XYLT1: variants seen among roughly 807,000 people sequenced by gnomAD.
XYLT1 encodes xylosyltransferase 1.
A neutral mutation model predicts 91.3 loss-of-function variants in XYLT1; 36 were observed. The ratio of observed to expected loss-of-function variants is 0.39; its 90% CI spans 0.30 to 0.52. The LOEUF is 0.52. Among genes scored for constraint, XYLT1 ranks in the 20% least tolerant of loss-of-function variants. The probability of loss-of-function intolerance (pLI) is 0.68; values close to 1 mark genes in which losing one functional copy is unlikely to be tolerated. For synonymous variants in XYLT1, 588 were observed against 532.0 expected (o/e 1.11, Z -1.45); for missense variants, 1,242 against 1,284.5 (o/e 0.97, Z 0.51).
intron 2 of XYLT1, among the ~76,000 whole-genome samples, chr16:17,307,305 G>C (rs1454198708): frequency 6.6e-6 from 1 of 152,158 alleles, no homozygotes; most frequent in Non-Finnish European, 1.5e-5. Context: ...TCGAACTCCT[G>C]ACCTCGTGAT....
At chr16:17,345,785 T>C (rs2035135606) in intron 2 of XYLT1, among the ~76,000 whole-genome samples, 1 of 148,562 alleles carries the variant, frequency 6.7e-6, no homozygotes. Flanking sequence ...AGGAGGTGGC[T>C]ACTGCTGTTA....
intron 5 of XYLT1, among the ~76,000 whole-genome samples, chr16:17,196,396 C>A (rs2032426780): frequency 6.6e-6 from 1 of 152,162 alleles, no homozygotes; most frequent in Non-Finnish European, 1.5e-5. Context: ...GAGATCTTAT[C>A]TTTTCTAGAT....
At chr16:17,284,515 C>G (rs1429718530) in intron 2 of XYLT1, among the ~76,000 whole-genome samples, 2 of 152,284 alleles carry the variant, frequency 1.3e-5, no homozygotes, top group African/African-American at 4.8e-5. Context: ...CAGATGGGGT[C>G]AGGTAGGAAC....
chr16:17,324,862 T>C (rs1244193122), intron 2 of XYLT1, among the ~76,000 whole-genome samples: 2 of 152,102 alleles, frequency 1.3e-5, no homozygotes, highest in Non-Finnish European at 2.9e-5. Context: ...ATCTTTCTTC[T>C]CTTTTTTTCA....
intron 2 of XYLT1, among the ~76,000 whole-genome samples, chr16:17,276,020 A>C (rs1418859515): frequency 1.3e-5 from 2 of 152,336 alleles, no homozygotes; most frequent in East Asian, 3.9e-4. Context: ...AAACCCAGTT[A>C]ATTTCTATCA....
intron 6 of XYLT1, among the ~76,000 whole-genome samples, chr16:17,147,554 T>A (rs2031167651): frequency 6.6e-6 from 1 of 152,248 alleles, no homozygotes. Flanking sequence ...TTGCTGTATT[T>A]ATCACATTCA....
rs147921419 is a variant in XYLT1, at chr16:17,302,634, G to A, written c.403-43136C>T. On this transcript the variant is annotated intron_variant, in intron 2 of 11. Transcript: ENST00000261381. ...TGTTAATACCTATTCCAGCTCCAAG[G>A]TATGATGGTCCTATGGTTGTGTTTC... Among the ~76,000 whole-genome samples the A allele has an allele frequency of 2.3e-4, 35 of 152,308 alleles. No individual in the cohort carries two copies. The East Asian group carries it at 6.6e-3, about 29-fold the overall frequency.
chr16:17,358,101 T>G, intron 1 of XYLT1, 51 bp from the exon 2 acceptor site: 13 of 1,540,436 alleles, frequency 8.4e-6, no homozygotes, highest in Non-Finnish European at 1.2e-5. Flanking sequence ...AAAGTTAACT[T>G]ACTACCCCAG....
chr16:17,150,755 A>G (rs2031262301), intron 6 of XYLT1, among the ~76,000 whole-genome samples: 1 of 152,216 alleles, frequency 6.6e-6, no homozygotes, highest in South Asian at 2.1e-4. Context: ...AAACACAAAT[A>G]TAAAATTACA....
rs772956681 is a variant in XYLT1, at chr16:17,259,232, G to C, written c.669C>G (p.Ala223=). Residue 223 remains alanine, a synonymous_variant, in exon 3 of 12, where the codon GCC becomes GCG. Coordinates refer to ENST00000261381, the MANE Select transcript of XYLT1 (RefSeq NM_022166.4). ...PGEVLPPGDR[A]AANSSHGKDV... is the part of the protein sequence containing the mutation. Reference sequence around the variant, plus strand: ...CCTTCCCGTGGCTGCTGTTGGCTGCGGCTCTGTCCCCGGGAGGCAGCACCT... The same window carrying C: ...CCTTCCCGTGGCTGCTGTTGGCTGCCGCTCTGTCCCCGGGAGGCAGCACCT... The C allele has an allele frequency of 6.2e-7, 1 of 1,613,998 alleles. No individual in the cohort carries two copies.
At chr16:17,315,303 C>T (rs2034611240) in intron 2 of XYLT1, among the ~76,000 whole-genome samples, 1 of 152,238 alleles carries the variant, frequency 6.6e-6, no homozygotes. Flanking sequence ...CTTGTGGATG[C>T]TCTTTGTCAC....
Position 17,117,631 on chromosome 16 carries a change from A to C in XYLT1, c.2557+15T>G. ...GAAGGAGTATTTCTCCCACATAGACACTGGGAGTACTTACCAGGTTTGATG... is the reference window on the plus strand; with the variant it reads ...GAAGGAGTATTTCTCCCACATAGACCCTGGGAGTACTTACCAGGTTTGATG... On this transcript the variant is annotated intron_variant, in intron 11 of 11. Transcript: ENST00000261381. 2 of 1,603,512 alleles carry C rather than the reference A, an allele frequency of 1.2e-6. No individual in the cohort carries two copies. The highest frequency in any genetic ancestry group is 1.7e-6 in the Non-Finnish European group (2 of 1,172,480).
intron 3 of XYLT1, among the ~76,000 whole-genome samples, chr16:17,215,900 A>G (rs1015768467): frequency 5.9e-5 from 9 of 152,108 alleles, no homozygotes; most frequent in Admixed American, 3.3e-4. Context: ...AAGGACTGCA[A>G]TTGAAGAGAG....
chr16:17,465,109 C>A (rs9796795), intron 1 of XYLT1, among the ~76,000 whole-genome samples: 98,757 of 141,056 alleles, frequency 0.7, 35,031 homozygotes, highest in East Asian at 0.96. Flanking sequence ...ACGCCACTGC[C>A]CTCCAGCCTG....
chr16:17,358,735 T>C (rs1467154919), intron 1 of XYLT1, among the ~76,000 whole-genome samples: 6 of 152,072 alleles, frequency 3.9e-5, no homozygotes. Flanking sequence ...TTTGGCTCCG[T>C]AAGAGGATTA....
intron 1 of XYLT1, 71 bp downstream of exon 1, chr16:17,470,363 T>C: frequency 8.3e-7 from 1 of 1,205,112 alleles, no homozygotes; most frequent in Non-Finnish European, 1.0e-6. Flanking sequence ...GTTCAAGGGC[T>C]AGGGGGGCGT....
Position 17,117,797 on chromosome 16 carries a change from A to G in XYLT1, c.2406T>C (p.Thr802=). 6.2e-7 allele frequency: 1 copy of G among 1,614,200 alleles called. No individual in the cohort carries two copies. Among genetic ancestry groups the G allele is most frequent in the Non-Finnish European group, 8.5e-7 (1 of 1,180,042 alleles). Residue 802 remains threonine (T), a synonymous_variant, in exon 11 of 12, where the codon ACT becomes ACC. Coordinates refer to ENST00000261381, the MANE Select transcript of XYLT1 (RefSeq NM_022166.4). ...AATYDILIES[T]AEFTHYKPPL... is the part of the protein sequence containing the mutation. ...GGGGCTTGTAGTGTGTGAATTCGGCAGTGGACTCAATGAGGATGTCGTAGG... is the reference window on the plus strand; with the variant it reads ...GGGGCTTGTAGTGTGTGAATTCGGCGGTGGACTCAATGAGGATGTCGTAGG...
intron 11 of XYLT1, among the ~76,000 whole-genome samples, chr16:17,112,183 C>A (rs371094553): frequency 6.6e-6 from 1 of 152,128 alleles, no homozygotes; most frequent in East Asian, 1.9e-4. Flanking sequence ...TATTAGCTTG[C>A]GATGCTCGTC....
At chr16:17,446,798 C>T (rs1219247021) in intron 1 of XYLT1, among the ~76,000 whole-genome samples, 4 of 152,142 alleles carry the variant, frequency 2.6e-5, no homozygotes, top group African/African-American at 4.8e-5. Flanking sequence ...CAACCCTCAG[C>T]GGGGAACAGC....
Sources: allele counts gnomAD v4.1 joint callset (sites outside exome capture counted in the v4.1 genomes callset), GRCh38; gene constraint gnomAD v4.1.1; transcripts MANE v1.5; gene names NCBI Gene and HGNC (gene_info 2026-07-23, HGNC 2026-07-21).